DGKI: variants seen among roughly 807,000 people sequenced by gnomAD.
DGKI encodes DAG kinase iota.
Under a neutral mutation model 147.5 loss-of-function variants are expected in DGKI, and 55 were observed. The ratio of observed to expected loss-of-function variants is 0.37; its 90% CI spans 0.30 to 0.47. DGKI has a LOEUF of 0.47. Among genes scored for constraint, DGKI ranks in the 20% least tolerant of loss-of-function variants. The pLI is 1.00. For missense variants in DGKI, 1,007 were observed against 1,323.8 expected (o/e 0.76, Z 3.71); for synonymous variants, 469 against 477.1 (o/e 0.98, Z 0.22).
At chr7:137,576,562 T>A (rs2128978552) in intron 17 of DGKI, among the ~76,000 whole-genome samples, 1 of 152,314 alleles carries the variant, frequency 6.6e-6, no homozygotes, top group East Asian at 1.9e-4. Flanking sequence ...AATTTTATTC[T>A]ATTTTTGAAT....
intron 1 of DGKI, among the ~76,000 whole-genome samples, chr7:137,787,794 A>G (rs1796718898): frequency 6.6e-6 from 1 of 152,166 alleles, no homozygotes; most frequent in Non-Finnish European, 1.5e-5. Context: ...GGAATGAAAT[A>G]ATGGCATTTG....
chr7:137,405,401 C>A (rs1811906668), intron 30 of DGKI, among the ~76,000 whole-genome samples: 1 of 152,084 alleles, frequency 6.6e-6, no homozygotes, highest in Non-Finnish European at 1.5e-5. Flanking sequence ...CCATGCCCGG[C>A]CATCTTGTAT....
chr7:137,432,882 C>T (rs1202671662), intron 28 of DGKI, among the ~76,000 whole-genome samples: 1 of 152,176 alleles, frequency 6.6e-6, no homozygotes, highest in Non-Finnish European at 1.5e-5. Context: ...ATATCCCATA[C>T]TCTTGTGGCT....
intron 6 of DGKI, among the ~76,000 whole-genome samples, chr7:137,638,190 T>A (rs1821381017): frequency 6.6e-6 from 1 of 151,928 alleles, no homozygotes; most frequent in East Asian, 1.9e-4. Context: ...TCACAACTCC[T>A]CCTTTTCATT....
chr7:137,526,186 G>C (rs1817138360), intron 20 of DGKI, among the ~76,000 whole-genome samples: 1 of 152,026 alleles, frequency 6.6e-6, no homozygotes, highest in South Asian at 2.1e-4. Flanking sequence ...TTTTGTCTGG[G>C]AAGTTAGTAG....
At chr7:137,428,855 G>A (rs1812934254) in intron 28 of DGKI, among the ~76,000 whole-genome samples, 2 of 151,984 alleles carry the variant, frequency 1.3e-5, no homozygotes, top group Admixed American at 1.3e-4. Context: ...GGGATGCGAA[G>A]GACCTCTTCA....
intron 19 of DGKI, among the ~76,000 whole-genome samples, chr7:137,566,255 TAAAC>T (rs1252037675): frequency 6.6e-6 from 1 of 152,148 alleles, no homozygotes; most frequent in East Asian, 1.9e-4. Flanking sequence ...ATAATCATCT[TAAAC>T]AAATGTTTGA....
intron 23 of DGKI, 61 bp downstream of exon 23, chr7:137,485,313 T>C: frequency 7.8e-7 from 1 of 1,285,918 alleles, no homozygotes; most frequent in South Asian, 1.3e-5. Flanking sequence ...AAGACATTAA[T>C]TGAAAGATGG....
chr7:137,453,455 A>G (rs1281701926), intron 27 of DGKI, among the ~76,000 whole-genome samples: 1 of 152,156 alleles, frequency 6.6e-6, no homozygotes, highest in Admixed American at 6.6e-5. Context: ...CGACTACATA[A>G]TCCTCTCTTT....
At chr7:137,598,550 G>C (rs895401053) in intron 11 of DGKI, among the ~76,000 whole-genome samples, 4 of 152,090 alleles carry the variant, frequency 2.6e-5, no homozygotes, top group African/African-American at 9.7e-5. Context: ...AAACTTCTCT[G>C]CTTGAAATAA....
chr7:137,608,166 C>A (rs1413006174), intron 10 of DGKI, among the ~76,000 whole-genome samples: 1 of 152,096 alleles, frequency 6.6e-6, no homozygotes, highest in African/African-American at 2.4e-5. Context: ...TATTGTAAAA[C>A]TTGAAGGAAT....
intron 1 of DGKI, among the ~76,000 whole-genome samples, chr7:137,816,961 A>G (rs1797755559): frequency 6.6e-6 from 1 of 152,230 alleles, no homozygotes; most frequent in Non-Finnish European, 1.5e-5. Flanking sequence ...TAACCACTAG[A>G]TGCCAGTAGC....
chr7:137,447,362 G>T (rs896112106), intron 27 of DGKI, among the ~76,000 whole-genome samples: 8 of 152,112 alleles, frequency 5.3e-5, no homozygotes, highest in Non-Finnish European at 8.8e-5. Context: ...GTAAATAAAT[G>T]ATTATAATGT....
At chr7:137,706,930 C>A (rs575603540) in intron 1 of DGKI, among the ~76,000 whole-genome samples, 3 of 152,266 alleles carry the variant, frequency 2.0e-5, no homozygotes, top group South Asian at 2.1e-4. Flanking sequence ...TATTGACCTT[C>A]CAGAGGGAAC....
At chr7:137,798,051 A>C (rs773086265) in intron 1 of DGKI, among the ~76,000 whole-genome samples, 2 of 152,170 alleles carry the variant, frequency 1.3e-5, no homozygotes, top group African/African-American at 2.4e-5. Context: ...ATATAAGGGA[A>C]TACTATAAAC....
intron 17 of DGKI, among the ~76,000 whole-genome samples, chr7:137,576,969 TG>T (rs1819003520): frequency 1.3e-5 from 2 of 152,212 alleles, no homozygotes; most frequent in South Asian, 2.1e-4. Flanking sequence ...TGTTCTGAAG[TG>T]ACTTATGTGA....
intron 20 of DGKI, among the ~76,000 whole-genome samples, chr7:137,531,387 A>G (rs919145575): frequency 1.3e-5 from 2 of 152,146 alleles, no homozygotes; most frequent in African/African-American, 4.8e-5. Flanking sequence ...AAACACTAAC[A>G]TGAGTTACTT....
chr7:137,455,549 C>T (rs1178039189), intron 27 of DGKI, among the ~76,000 whole-genome samples: 3 of 144,616 alleles, frequency 2.1e-5, no homozygotes, highest in Non-Finnish European at 4.5e-5. Flanking sequence ...GTAAGACCAG[C>T]ATCTCACAGA....
chr7:137,623,559 G>A lies in DGKI; in HGVS notation c.805-5C>T. 2 of 1,613,274 alleles carry A rather than the reference G, an allele frequency of 1.2e-6. No individual in the cohort carries two copies. The highest frequency in any genetic ancestry group is 1.7e-6 in the Non-Finnish European group (2 of 1,179,258). ...GGAGAACTTTTGCTGGAAGCCCTGG[G>A]ATATTAGAACAAGAGACAGATAATT... On this transcript the variant is annotated splice_polypyrimidine_tract_variant and splice_region_variant and intron_variant, in intron 6 of 32. Coordinates refer to ENST00000614521, the MANE Select transcript of DGKI (RefSeq NM_001321708.2).
Sources: allele counts gnomAD v4.1 joint callset (sites outside exome capture counted in the v4.1 genomes callset), GRCh38; gene constraint gnomAD v4.1.1; transcripts MANE v1.5; gene names NCBI Gene and HGNC (gene_info 2026-07-23, HGNC 2026-07-21).